The following DOCK4 variants were observed in gnomAD, a reference collection of about 807,000 sequenced individuals.
The protein encoded by DOCK4 is dedicator of cytokinesis protein 4.
Under a neutral mutation model 268.1 loss-of-function variants are expected in DOCK4, and 97 were observed. The ratio of observed to expected loss-of-function variants is 0.36; its 90% confidence interval spans 0.31 to 0.43. The LOEUF (loss-of-function observed/expected upper bound fraction) is 0.43, where lower values mean the gene tolerates loss of function less well. Among genes scored for constraint, DOCK4 ranks in the 20% least tolerant of loss-of-function variants. The pLI is 1.00. For missense variants in DOCK4, 2,145 were observed against 2,455.7 expected (o/e 0.87, Z 2.67); for synonymous variants, 954 against 887.2 (o/e 1.08, Z -1.34).
At chr7:111,796,392 G>A (rs75351295) in intron 30 of DOCK4, among the ~76,000 whole-genome samples, 5,253 of 152,302 alleles carry the variant, frequency 0.034, 278 homozygotes, top group African/African-American at 0.12. Context: ...CACATTGCTA[G>A]TTCTCTGCAG....
intron 1 of DOCK4, among the ~76,000 whole-genome samples, chr7:112,038,419 C>A (rs1187844321): frequency 6.6e-6 from 1 of 152,194 alleles, no homozygotes; most frequent in Non-Finnish European, 1.5e-5. Flanking sequence ...ATTTTGGAGA[C>A]TTTTGAGTCC....
rs577336544 is a variant in DOCK4, at chr7:111,858,624, T to C, written c.2473+4748A>G. 5.9e-5 allele frequency among the ~76,000 whole-genome samples: 9 copies of C among 152,306 alleles called. No homozygotes were observed. The South Asian group carries it at 1.0e-3, about 18-fold the overall frequency. ...TGGACTTGAACTGTAACTTATACCA[T>C]TGTCTCTCCTGCTTCTCAGGCCTTT... On this transcript the variant is annotated intron_variant, in intron 23 of 52. Transcript: ENST00000428084.
intron 16 of DOCK4, among the ~76,000 whole-genome samples, chr7:111,881,163 C>A (rs928955244): frequency 6.6e-6 from 1 of 152,066 alleles, no homozygotes; most frequent in African/African-American, 2.4e-5. Context: ...AAAATACTTG[C>A]AAACTACCTA....
intron 1 of DOCK4, among the ~76,000 whole-genome samples, chr7:112,101,986 G>C (rs1228780719): frequency 6.6e-6 from 1 of 152,006 alleles, no homozygotes; most frequent in Non-Finnish European, 1.5e-5. Flanking sequence ...GGGACTACAG[G>C]CACCCGCCAC....
chr7:111,957,931 C>T (rs950749976), intron 8 of DOCK4, among the ~76,000 whole-genome samples: 1 of 152,064 alleles, frequency 6.6e-6, no homozygotes. Flanking sequence ...TTTTTATGTA[C>T]TTTTTTTAGC....
chr7:112,124,081 G>A (rs1241627020), intron 1 of DOCK4, among the ~76,000 whole-genome samples: 2 of 151,870 alleles, frequency 1.3e-5, no homozygotes, highest in Non-Finnish European at 2.9e-5. Context: ...CTGGAATGCA[G>A]TGGAGCGATC....
intron 23 of DOCK4, among the ~76,000 whole-genome samples, chr7:111,860,308 T>C (rs1000333003): frequency 2.6e-5 from 4 of 152,210 alleles, no homozygotes; most frequent in Admixed American, 2.0e-4. Flanking sequence ...CAGAAGGTAC[T>C]CTGAGCCCTG....
At chr7:112,168,344 T>C (rs929242267) in intron 1 of DOCK4, among the ~76,000 whole-genome samples, 12 of 152,212 alleles carry the variant, frequency 7.9e-5, no homozygotes, top group African/African-American at 2.7e-4. Context: ...ACATGCTGTT[T>C]GGAGCTATGT....
At chr7:112,108,348 C>A (rs1056861697) in intron 1 of DOCK4, among the ~76,000 whole-genome samples, 1 of 152,132 alleles carries the variant, frequency 6.6e-6, no homozygotes, top group Admixed American at 6.5e-5. Flanking sequence ...CTTCTAGGAA[C>A]TGAATAAAAA....
chr7:112,107,480 C>T (rs1399866469), intron 1 of DOCK4, among the ~76,000 whole-genome samples: 1 of 152,172 alleles, frequency 6.6e-6, no homozygotes, highest in African/African-American at 2.4e-5. Context: ...TCAAAAGAAA[C>T]CAAACCTATG....
chr7:111,974,191 T>A (rs1396755810), intron 8 of DOCK4, among the ~76,000 whole-genome samples: 1 of 152,140 alleles, frequency 6.6e-6, no homozygotes, highest in African/African-American at 2.4e-5. Flanking sequence ...CTGCCCTGTG[T>A]TCCCGGCAGT....
At chr7:112,047,767 A>T (rs1563030381) in intron 1 of DOCK4, among the ~76,000 whole-genome samples, 1 of 152,208 alleles carries the variant, frequency 6.6e-6, no homozygotes, top group Non-Finnish European at 1.5e-5. Context: ...ATTATAGCTC[A>T]CCACAGCCTG....
In DOCK4 at chr7:112,048,389, CAA is replaced by C. The variant is rs59810546; in HGVS notation, c.38-44260_38-44259del. Among the ~76,000 whole-genome samples the C allele has an allele frequency of 8.1e-3, 583 of 72,098 alleles. 2 individuals carry two copies. The highest frequency in any genetic ancestry group is 0.018 in the African/African-American group (472 of 26,634). 47.3% of individuals were successfully genotyped at this position (72,098 alleles called of 152,430 possible). ...TAAAACCCCATCTCTACTAAAAATA[CAA>C]AAAAAAAAAAAAAAAAAAAAAATTA... On this transcript the variant is annotated intron_variant, in intron 1 of 52. Coordinates refer to ENST00000428084, the MANE Select transcript of DOCK4 (RefSeq NM_001363540.2).
chr7:112,034,834 G>A (rs767395266), intron 1 of DOCK4, among the ~76,000 whole-genome samples: 16 of 152,228 alleles, frequency 1.1e-4, no homozygotes, highest in Admixed American at 4.6e-4. Flanking sequence ...CCCGGGAGGC[G>A]GAGGTTGCAG....
intron 1 of DOCK4, among the ~76,000 whole-genome samples, chr7:112,082,095 C>A (rs141674579): frequency 6.6e-6 from 1 of 152,202 alleles, no homozygotes; most frequent in East Asian, 1.9e-4. Context: ...TTCTTAGCTC[C>A]GCACCTGTCA....
chr7:111,900,248 A>T, intron 15 of DOCK4, 126 bp downstream of exon 15: 3 of 1,217,250 alleles, frequency 2.5e-6, no homozygotes, highest in Non-Finnish European at 3.4e-6. Context: ...TAATCTTTCT[A>T]GAATGGAACA....
intron 16 of DOCK4, among the ~76,000 whole-genome samples, chr7:111,891,920 A>C (rs889567526): frequency 1.8e-5 from 2 of 111,652 alleles, no homozygotes; most frequent in African/African-American, 1.1e-4. Flanking sequence ...ATTTGTGATA[A>C]CTCTTGGTCA....
intron 8 of DOCK4, among the ~76,000 whole-genome samples, chr7:111,975,879 A>C (rs1039085183): frequency 1.2e-4 from 19 of 152,006 alleles, no homozygotes; most frequent in African/African-American, 3.9e-4. Flanking sequence ...TTATAAAATA[A>C]TAGGCCAGGC....
At chr7:112,186,868 A>T (rs1024727698) in intron 1 of DOCK4, among the ~76,000 whole-genome samples, 1 of 152,226 alleles carries the variant, frequency 6.6e-6, no homozygotes, top group Non-Finnish European at 1.5e-5. Context: ...TCAGGGACAT[A>T]TAAAAGAAGT....
Sources: gnomAD v4.1 joint callset for allele counts (sites outside exome capture counted in the v4.1 genomes callset) on GRCh38, gnomAD v4.1.1 for gene constraint, MANE v1.5 for transcripts, NCBI Gene and HGNC (gene_info 2026-07-23, HGNC 2026-07-21) for gene names.